The following FAM110B variants were observed in gnomAD, a reference collection of about 807,000 sequenced individuals.
FAM110B encodes the protein protein FAM110B.
In FAM110B, 6 loss-of-function variants were observed where a neutral mutation model predicts 20.4. The ratio of observed to expected loss-of-function variants is 0.29; its 90% CI spans 0.16 to 0.58. FAM110B has a LOEUF of 0.58. Ranked by LOEUF, FAM110B falls within the 20% of genes least tolerant of loss-of-function variation. FAM110B has a pLI of 0.90. For missense variants in FAM110B, 434 were observed against 498.2 expected, an observed-to-expected ratio of 0.87 and a Z score of 1.23; for synonymous variants, 226 against 214.1, an observed-to-expected ratio of 1.06 and a Z score of -0.49.
At chr8:58,081,105 C>A (rs1024495135) in intron 3 of FAM110B, among the ~76,000 whole-genome samples, 1 of 152,220 alleles carries the variant, frequency 6.6e-6, no homozygotes, top group African/African-American at 2.4e-5. Context: ...GCACAGCCCT[C>A]TTCATCACCA....
intron 1 of FAM110B, among the ~76,000 whole-genome samples, chr8:58,005,524 A>G (rs1462970701): frequency 6.6e-6 from 1 of 152,250 alleles, no homozygotes; most frequent in Non-Finnish European, 1.5e-5. Flanking sequence ...TATTTGTAAA[A>G]AAACATTATC....
At chr8:58,128,574 A>AT (rs1401505436) in intron 3 of FAM110B, among the ~76,000 whole-genome samples, 1 of 152,154 alleles carries the variant, frequency 6.6e-6, no homozygotes, top group East Asian at 1.9e-4. Context: ...GAAAAAAAAA[A>AT]TTAACTGTGT....
intron 3 of FAM110B, among the ~76,000 whole-genome samples, chr8:58,100,033 G>C (rs1806737773): frequency 6.6e-6 from 1 of 152,080 alleles, no homozygotes; most frequent in South Asian, 2.1e-4. Flanking sequence ...CCATTTCTCA[G>C]TACTGTCTGG....
intron 2 of FAM110B, among the ~76,000 whole-genome samples, chr8:58,059,222 G>A (rs954726291): frequency 6.6e-6 from 1 of 152,182 alleles, no homozygotes; most frequent in African/African-American, 2.4e-5. Context: ...CAATTGTACA[G>A]TTTGAATAAA....
At chr8:58,075,269 TTTTTTTTGTGTG>T (rs756393198) in intron 2 of FAM110B, among the ~76,000 whole-genome samples, 12 of 122,364 alleles carry the variant, frequency 9.8e-5, no homozygotes, top group Non-Finnish European at 1.7e-4. Context: ...TTGCTTTTTT[TTTTTTTTGTGTG>T]TGTGTGTGTG....
chr8:58,020,908 C>T (rs1306149475), intron 1 of FAM110B, among the ~76,000 whole-genome samples: 2 of 152,012 alleles, frequency 1.3e-5, no homozygotes, highest in Non-Finnish European at 2.9e-5. Flanking sequence ...CTAGACGAGG[C>T]GTCCTCAGAT....
chr8:58,126,634 T>A (rs995130209), intron 3 of FAM110B, among the ~76,000 whole-genome samples: 1 of 152,204 alleles, frequency 6.6e-6, no homozygotes, highest in Non-Finnish European at 1.5e-5. Context: ...AGCTCATTCA[T>A]GAATAGTGAT....
chr8:58,120,670 C>T (rs1313519655), intron 3 of FAM110B, among the ~76,000 whole-genome samples: 5 of 152,218 alleles, frequency 3.3e-5, no homozygotes, highest in Non-Finnish European at 7.3e-5. Flanking sequence ...GTGGGACTGT[C>T]AGCCCATATT....
intron 2 of FAM110B, among the ~76,000 whole-genome samples, chr8:58,032,837 C>T (rs569403533): frequency 2.0e-5 from 3 of 152,234 alleles, no homozygotes; most frequent in East Asian, 3.9e-4. Flanking sequence ...GTGAACTTCT[C>T]CCTAAGCTGA....
At chr8:58,015,977 A>G (rs1804630007) in intron 1 of FAM110B, among the ~76,000 whole-genome samples, 1 of 152,252 alleles carries the variant, frequency 6.6e-6, no homozygotes, top group South Asian at 2.1e-4. Context: ...ACTATTCCTA[A>G]CTGTATCATT....
chr8:58,099,975 T>G (rs1806736517), intron 3 of FAM110B, among the ~76,000 whole-genome samples: 1 of 152,084 alleles, frequency 6.6e-6, no homozygotes, highest in East Asian at 1.9e-4. Context: ...TGTTCTAGGG[T>G]TCCCATATAT....
intron 2 of FAM110B, among the ~76,000 whole-genome samples, chr8:58,036,374 T>C (rs1805073992): frequency 6.6e-6 from 1 of 152,222 alleles, no homozygotes; most frequent in South Asian, 2.1e-4. Context: ...AGACTTATTA[T>C]CTTACTTGAT....
rs187078925 is a variant in FAM110B at position 58,004,566 on chromosome 8, G to A, written c.-512+9760G>A. 3.7e-3 allele frequency among the ~76,000 whole-genome samples: 558 copies of A among 152,300 alleles called. 5 individuals are homozygous for A. Among genetic ancestry groups the A allele is most frequent in the South Asian group, 0.031 (150 of 4,820 alleles). On this transcript the variant is annotated intron_variant, in intron 1 of 3. Coordinates refer to ENST00000519262, the MANE Select transcript of FAM110B (RefSeq NM_001377989.1). ...TCAAGACCAGCCTGGCCAACATGGC[G>A]AAACCCTGTCTCTACTAAAGATGCA...
At chr8:58,055,906 A>G (rs1007619552) in intron 2 of FAM110B, among the ~76,000 whole-genome samples, 3 of 152,266 alleles carry the variant, frequency 2.0e-5, no homozygotes, top group African/African-American at 7.2e-5. Context: ...AAAGTTGTAC[A>G]GTTGGAGACA....
At chr8:58,025,319 C>A (rs901936351) in intron 1 of FAM110B, among the ~76,000 whole-genome samples, 2 of 152,048 alleles carry the variant, frequency 1.3e-5, no homozygotes, top group Admixed American at 6.6e-5. Context: ...TCTCCAGACT[C>A]ACAGCAGGAG....
chr8:58,065,595 A>C (rs1165336438), intron 2 of FAM110B, among the ~76,000 whole-genome samples: 1 of 152,184 alleles, frequency 6.6e-6, no homozygotes, highest in Non-Finnish European at 1.5e-5. Flanking sequence ...TTAGGTTGTA[A>C]TATGTCATTA....
chr8:58,092,144 A>T (rs1438076959), intron 3 of FAM110B, among the ~76,000 whole-genome samples: 2 of 152,156 alleles, frequency 1.3e-5, no homozygotes, highest in Non-Finnish European at 2.9e-5. Flanking sequence ...TATTACACTC[A>T]TCTGGAGGAA....
intron 2 of FAM110B, among the ~76,000 whole-genome samples, chr8:58,053,457 G>A (rs184939994): frequency 1.3e-3 from 197 of 152,254 alleles, no homozygotes; most frequent in African/African-American, 4.1e-3. Flanking sequence ...AATGTGGTGG[G>A]GTCACGTTTA....
chr8:57,998,004 T>A (rs1804218691), intron 1 of FAM110B, among the ~76,000 whole-genome samples: 2 of 152,228 alleles, frequency 1.3e-5, no homozygotes, highest in East Asian at 3.8e-4. Flanking sequence ...GAGGAATAAC[T>A]TCTGCCTTGT....
Sources: gnomAD v4.1 joint callset for allele counts (sites outside exome capture counted in the v4.1 genomes callset) on GRCh38, gnomAD v4.1.1 for gene constraint, MANE v1.5 for transcripts, NCBI Gene and HGNC (gene_info 2026-07-23, HGNC 2026-07-21) for gene names.